Variants in ZBTB11 observed in about 807,000 individuals in gnomAD.
ZBTB11 encodes zinc finger and BTB domain-containing protein 11.
ZBTB11 carries 68 observed loss-of-function variants against 113.1 expected under a neutral mutation model. The observed-to-expected ratio is 0.60, with a 90% CI of 0.49 to 0.74. The LOEUF is 0.74. ZBTB11 is among the 30% of genes least tolerant of loss of function. ZBTB11 has a pLI of 0.00. For synonymous variants in ZBTB11, 518 were observed against 452.6 expected (o/e 1.14, Z -1.83); for missense variants, 1,104 against 1,279.4 (o/e 0.86, Z 2.09).
intron 5 of ZBTB11, among the ~76,000 whole-genome samples, chr3:101,663,939 T>G (rs568419572): frequency 7.9e-4 from 120 of 152,056 alleles, no homozygotes; most frequent in African/African-American, 2.8e-3. Context: ...AAGCTTTTAC[T>G]CTTCCCTGTT....
chr3:101,659,879 T>A lies in ZBTB11; in HGVS notation c.1950A>T (p.Glu650Asp), dbSNP rs767820691. The A allele has an allele frequency of 6.2e-7, 1 of 1,614,080 alleles. No homozygotes were observed. Among genetic ancestry groups the A allele is most frequent in the African/African-American group, 1.3e-5 (1 of 74,940 alleles). ...TTCTTCCACATATGGAACATATAAA[T>A]TCCCGCTTGGTTCTGCCCTTCTCAG... ...TSSEKGRTKR[E>D]FICSICGRTL... is the part of the protein sequence containing the mutation. The change falls in exon 6 of 11, where the codon GAA (glutamate) becomes GAT (aspartate). Residue 650 changes from glutamate to aspartate, a missense_variant. Coordinates refer to ENST00000312938, the MANE Select transcript of ZBTB11 (RefSeq NM_014415.4).
intron 2 of ZBTB11, 27 bp from the exon 3 acceptor site, chr3:101,671,388 G>A (rs1481333154): frequency 1.3e-6 from 2 of 1,562,418 alleles, no homozygotes; most frequent in Non-Finnish European, 8.8e-7. Flanking sequence ...GAGAGCAAGA[G>A]TAACATATTA....
chr3:101,661,946 T>TA (rs1936894729), intron 5 of ZBTB11: 1 of 152,094 alleles, frequency 6.6e-6, no homozygotes, highest in South Asian at 2.1e-4. Context: ...TCATTAGTTA[T>TA]ATTTTCCAAC....
chr3:101,664,739 C>G, intron 4 of ZBTB11, 25 bp from the exon 5 acceptor site: 1 of 1,550,758 alleles, frequency 6.4e-7, no homozygotes, highest in Non-Finnish European at 8.7e-7. Context: ...AAATCACAAT[C>G]TAAGTAAATC....
At position 101,664,566 on chromosome 3, in the gene ZBTB11, T is replaced by C. The variant is rs753528719; in HGVS notation, c.1772A>G (p.His591Arg). The C allele has an allele frequency of 1.2e-6, 2 of 1,606,380 alleles. No homozygotes were observed. The highest frequency in any genetic ancestry group is 1.1e-5 in the South Asian group (1 of 88,798). Residue 591 changes from histidine (H) to arginine (R), a missense_variant, in exon 5 of 11, where the codon CAT becomes CGT. Transcript: ENST00000312938. ...ACATTTGTAATCTCTAGCTCTTTCA[T>C]GTTTCAGTTTGTGCATTATAAGGGC... ...RYALIMHKLK[H>R]ERARDYKCPL...
chr3:101,663,272 A>ACC (rs1294496957), intron 5 of ZBTB11, among the ~76,000 whole-genome samples: 1 of 151,592 alleles, frequency 6.6e-6, no homozygotes, highest in Non-Finnish European at 1.5e-5. Context: ...GGGTTTCACC[A>ACC]TGTTGCCCAG....
rs1936702205 is a variant in ZBTB11 at position 101,651,527 on chromosome 3, G to A, written c.2801C>T (p.Thr934Ile). The A allele has an allele frequency of 6.2e-7, 1 of 1,614,036 alleles. No individual in the cohort carries two copies. The highest frequency in any genetic ancestry group is 1.3e-5 in the African/African-American group (1 of 74,896). ...IDARTLRKHM[T>I]KFHRDYVPCK... ...AGGCACATAGTCTCTGTGGAATTTA[G>A]TCATATGTTTACGGAGTGTTCGAGC... The change falls in exon 11 of 11, where the codon ACT becomes ATT. Residue 934 changes from threonine (T) to isoleucine (I), a missense_variant. Thr to Ile is a moderately conservative substitution (Grantham distance 89). Coordinates refer to ENST00000312938, the MANE Select transcript of ZBTB11 (RefSeq NM_014415.4).
In ZBTB11 at chr3:101,650,946, T is replaced by C. The variant is rs1048166075; in HGVS notation, c.*220A>G. On this transcript the variant is annotated 3_prime_UTR_variant, in exon 11 of 11. Transcript: ENST00000312938. ...AAATATTAGGTTGGTGCAAAAGCAA[T>C]TGCACCAACCTAATAGATCTGTTTT... is the stretch of plus-strand genomic sequence containing the variant. 5.0e-6 allele frequency: 2 copies of C among 399,058 alleles called. No homozygotes were observed. The highest frequency in any genetic ancestry group is 2.1e-5 in the African/African-American group (1 of 48,578). The allele number at this position is 399,058 out of a possible 1,614,324, so 24.7% of individuals were successfully genotyped here. A position where few individuals can be genotyped will look rare whatever the true frequency, so the allele number is the denominator to read the frequency against.
At chr3:101,656,294 A>G in intron 6 of ZBTB11, 46 bp from the exon 7 acceptor site, 1 of 1,264,826 alleles carries the variant, frequency 7.9e-7, no homozygotes, top group Non-Finnish European at 1.0e-6. Context: ...AAAAAGGGAG[A>G]TTGTTTCTGA....
chr3:101,661,798 T>C (rs1018339877), intron 5 of ZBTB11, among the ~76,000 whole-genome samples: 2 of 152,216 alleles, frequency 1.3e-5, no homozygotes, highest in African/African-American at 2.4e-5. Context: ...TATCCTTAAG[T>C]TCTGAAATTT....
intron 1 of ZBTB11, among the ~76,000 whole-genome samples, chr3:101,675,289 T>C (rs1012762539): frequency 1.2e-4 from 19 of 152,238 alleles, no homozygotes; most frequent in Non-Finnish European, 2.4e-4. Context: ...ACCTCATAAT[T>C]TAATCTTCGC....
rs1308717355 is a variant in ZBTB11, at chr3:101,656,136, C to T, written c.2159G>A (p.Arg720Gln). 4.4e-6 allele frequency: 7 copies of T among 1,589,852 alleles called. No homozygotes were observed. The highest frequency in any genetic ancestry group is 1.4e-5 in the African/African-American group (1 of 73,366). ...AATACTCATATGTTCTTGAAGACTC[C>T]GTTTGGTAACAAATGACTTAACACA... ...ELCVKSFVTK[R>Q]SLQEHMSIHT... The change falls in exon 7 of 11, where the codon CGG (arginine) becomes CAG (glutamine). Residue 720 changes from arginine to glutamine, a missense_variant. Physicochemically the swap from Arg to Gln is conservative, Grantham distance 43. Transcript: ENST00000312938.
Position 101,651,160 on chromosome 3 carries a change from A to G in ZBTB11, c.*6T>C. ...ATGTCACTTCTTTTTATCTTCATTA[A>G]CATACTCATTCTCCTCCTGAAATAT... On this transcript the variant is annotated 3_prime_UTR_variant, in exon 11 of 11. Coordinates refer to ENST00000312938, the MANE Select transcript of ZBTB11 (RefSeq NM_014415.4). 1 of 1,562,540 alleles carries G rather than the reference A, an allele frequency of 6.4e-7. No individual in the cohort carries two copies. The highest frequency in any genetic ancestry group is 2.2e-5 in the East Asian group (1 of 44,520).
chr3:101,653,086 G>C (rs1576643141), intron 8 of ZBTB11, 148 bp from the exon 9 acceptor site: 1 of 849,714 alleles, frequency 1.2e-6, no homozygotes, highest in Non-Finnish European at 1.8e-6. Flanking sequence ...TTACATAAAG[G>C]CTACAGGGTT....
chr3:101,672,417 T>C (rs1010747741), intron 1 of ZBTB11, among the ~76,000 whole-genome samples: 4 of 152,076 alleles, frequency 2.6e-5, no homozygotes, highest in African/African-American at 9.7e-5. Flanking sequence ...GCTGAGGTAA[T>C]TTTTTTTATT....
Position 101,676,538 on chromosome 3 carries a change from C to T in ZBTB11, c.310+67G>A, listed in dbSNP as rs181643394. 6 of 1,417,692 alleles carry T rather than the reference C, an allele frequency of 4.2e-6. No individual in the cohort carries two copies. In the East Asian group the frequency reaches 1.4e-4, roughly 32 times the overall value. 87.8% of individuals were successfully genotyped at this position (1,417,692 alleles called of 1,614,324 possible). A position where few individuals can be genotyped will look rare whatever the true frequency, so the allele number is the denominator to read the frequency against. ...CTCCGACTCGTGGGTACGCATAGGC[C>T]TCGCCAGCGAGCCTTGCCCAGGCAA... On this transcript the variant is annotated intron_variant, in intron 1 of 10. Coordinates refer to ENST00000312938, the MANE Select transcript of ZBTB11 (RefSeq NM_014415.4).
In ZBTB11 at chr3:101,665,065, G is replaced by A. The variant is rs1936958762; in HGVS notation, c.1522C>T (p.Arg508Ter). The A allele has an allele frequency of 4.3e-6, 7 of 1,613,928 alleles. No homozygotes were observed. The highest frequency in any genetic ancestry group is 5.1e-6 in the Non-Finnish European group (6 of 1,179,998). Residue 508 changes from arginine (R) to a stop codon, truncating the protein, a stop_gained, in exon 4 of 11, where the codon CGA becomes TGA. Transcript: ENST00000312938. LOFTEE classifies it high-confidence loss of function. ...PDDDTYRSRLRQRSVNEGAYI... is the reference protein window; with the variant it reads ...PDDDTYRSRL ...GCCCCTTCATTAACAGAACGTTGTC[G>A]AAGCCTGCTTCTATAAGTATCATCA...
intron 1 of ZBTB11, among the ~76,000 whole-genome samples, chr3:101,673,659 G>A (rs1477340555): frequency 2.0e-5 from 3 of 151,812 alleles, no homozygotes; most frequent in South Asian, 2.1e-4. Context: ...GATTACAGGC[G>A]CCCGCCACCA....
intron 8 of ZBTB11, among the ~76,000 whole-genome samples, chr3:101,653,751 G>A (rs1425981854): frequency 6.6e-6 from 1 of 151,954 alleles, no homozygotes; most frequent in Non-Finnish European, 1.5e-5. Context: ...ACCTTACCAG[G>A]AACTCTAAAA....
Sources: gnomAD v4.1 joint callset for allele counts (sites outside exome capture counted in the v4.1 genomes callset) on GRCh38, gnomAD v4.1.1 for gene constraint, MANE v1.5 for transcripts, NCBI Gene and HGNC (gene_info 2026-07-23, HGNC 2026-07-21) for gene names.